MATN2: variants seen among roughly 807,000 people sequenced by gnomAD.
MATN2 encodes the protein matrilin 2, also known as matrilin-2.
Under a neutral mutation model 103.2 loss-of-function variants are expected in MATN2, and 69 were observed. That is an observed-to-expected ratio of 0.67 (90% CI 0.55 to 0.82). The LOEUF is 0.82. Among genes scored for constraint, MATN2 ranks in the 40% least tolerant of loss-of-function variants. MATN2 has a pLI of 0.00. For synonymous variants in MATN2, 429 were observed against 450.2 expected (o/e 0.95, Z 0.60); for missense variants, 1,023 against 1,211.5 (o/e 0.84, Z 2.31).
intron 4 of MATN2, among the ~76,000 whole-genome samples, chr8:97,952,856 A>G (rs935140205): frequency 6.6e-6 from 1 of 151,628 alleles, no homozygotes; most frequent in Non-Finnish European, 1.5e-5. Flanking sequence ...GAACTCAAAA[A>G]CCAAACTTGG....
chr8:97,939,321 G>A (rs776070304), intron 3 of MATN2, among the ~76,000 whole-genome samples: 11 of 152,028 alleles, frequency 7.2e-5, no homozygotes, highest in Non-Finnish European at 1.2e-4. Context: ...AACACTAGAC[G>A]GCGCATCACC....
intron 1 of MATN2, among the ~76,000 whole-genome samples, chr8:97,873,352 C>CT (rs772184378): frequency 1.5e-3 from 212 of 142,072 alleles, no homozygotes; most frequent in African/African-American, 2.1e-3. Context: ...CTCTTTTTTT[C>CT]TTTTTTTTTT....
At chr8:97,906,516 C>A (rs904055877) in intron 2 of MATN2, among the ~76,000 whole-genome samples, 8 of 152,220 alleles carry the variant, frequency 5.3e-5, no homozygotes, top group African/African-American at 1.9e-4. Flanking sequence ...GTGGTCAGAA[C>A]TGAGTCAGAG....
intron 3 of MATN2, among the ~76,000 whole-genome samples, chr8:97,935,470 G>T (rs1036028955): frequency 1.3e-5 from 2 of 152,038 alleles, no homozygotes; most frequent in East Asian, 1.9e-4. Context: ...CTTGTCCAAG[G>T]TCACAAACCT....
intron 2 of MATN2, among the ~76,000 whole-genome samples, chr8:97,928,534 C>A (rs1810069056): frequency 6.6e-6 from 1 of 152,130 alleles, no homozygotes; most frequent in Non-Finnish European, 1.5e-5. Flanking sequence ...CTGAAAAGCA[C>A]CCCCCTTAAG....
At chr8:97,949,507 A>T (rs143267427) in intron 4 of MATN2, among the ~76,000 whole-genome samples, 1 of 152,180 alleles carries the variant, frequency 6.6e-6, no homozygotes, top group East Asian at 1.9e-4. Context: ...TGACTATACC[A>T]TGTGTTCGCA....
At chr8:97,911,486 A>C (rs1036759792) in intron 2 of MATN2, among the ~76,000 whole-genome samples, 1 of 151,956 alleles carries the variant, frequency 6.6e-6, no homozygotes, top group African/African-American at 2.4e-5. Flanking sequence ...AGGCAGGCGG[A>C]TCACGAGGTC....
intron 4 of MATN2, among the ~76,000 whole-genome samples, chr8:97,954,216 C>G (rs1406561304): frequency 6.6e-6 from 1 of 152,164 alleles, no homozygotes; most frequent in East Asian, 1.9e-4. Flanking sequence ...TGCCCTCCCC[C>G]AGTGGTGGCT....
At chr8:98,003,842 G>A (rs1438461945) in intron 8 of MATN2, 59 bp downstream of exon 8, 1 of 1,604,688 alleles carries the variant, frequency 6.2e-7, no homozygotes, top group Non-Finnish European at 8.5e-7. Context: ...ATGGGGGCGG[G>A]CGGGTTCACT....
chr8:97,938,327 C>G (rs761681005), intron 3 of MATN2, among the ~76,000 whole-genome samples: 36 of 152,172 alleles, frequency 2.4e-4, no homozygotes, highest in Non-Finnish European at 4.7e-4. Context: ...TACCCCTCAC[C>G]ATACGATTGT....
intron 5 of MATN2, among the ~76,000 whole-genome samples, chr8:97,971,490 A>G (rs993643084): frequency 6.6e-6 from 1 of 152,184 alleles, no homozygotes; most frequent in Non-Finnish European, 1.5e-5. Context: ...TTCCGTATTC[A>G]ATGGTGGATT....
chr8:97,936,899 G>A lies in MATN2; in HGVS notation c.713-4878G>A, dbSNP rs185467325. On this transcript the variant is annotated intron_variant, in intron 3 of 18. Coordinates refer to ENST00000254898, the MANE Select transcript of MATN2 (RefSeq NM_002380.5). The stretch of plus-strand genomic sequence containing the variant: ...GAAAGTTTTATTCTAGTTTAGTGAA[G>A]GTGTTTGAGATTCTTTTGGTTGAAA... 6.9e-4 allele frequency among the ~76,000 whole-genome samples: 105 copies of A among 152,318 alleles called. 1 individual carries two copies. The highest frequency in any genetic ancestry group is 1.1e-3 in the Non-Finnish European group (73 of 68,032).
In MATN2 at chr8:98,009,339, G is replaced by A. The variant is rs572326335; in HGVS notation, c.1573+1738G>A. On this transcript the variant is annotated intron_variant, in intron 10 of 18. Coordinates refer to ENST00000254898, the MANE Select transcript of MATN2 (RefSeq NM_002380.5). ...CAGCTAACTGGGGGTTGGGATGTGTGTTCCCCAGCTCTACTCTCAATGACA... is the reference window on the plus strand; with the variant it reads ...CAGCTAACTGGGGGTTGGGATGTGTATTCCCCAGCTCTACTCTCAATGACA... Among the ~76,000 whole-genome samples the A allele has an allele frequency of 5.3e-5, 8 of 152,314 alleles. No individual in the cohort carries two copies. The South Asian group carries it at 1.7e-3, about 32-fold the overall frequency.
intron 10 of MATN2, among the ~76,000 whole-genome samples, chr8:98,014,094 C>A (rs1813276022): frequency 6.6e-6 from 1 of 151,894 alleles, no homozygotes; most frequent in South Asian, 2.1e-4. Flanking sequence ...GGCGACAGAG[C>A]AAGCCTGTGT....
intron 6 of MATN2, among the ~76,000 whole-genome samples, chr8:97,983,114 A>G (rs1414920678): frequency 2.0e-5 from 3 of 152,212 alleles, no homozygotes; most frequent in Non-Finnish European, 4.4e-5. Context: ...TCGGCACTTC[A>G]TGTAAGTGGG....
At chr8:97,994,286 GAGA>G (rs951398233) in intron 6 of MATN2, among the ~76,000 whole-genome samples, 191 bp from the exon 7 acceptor site, 6 of 152,014 alleles carry the variant, frequency 3.9e-5, no homozygotes, top group Admixed American at 3.3e-4. Context: ...AGGAAAGAAG[GAGA>G]AGAAGTTTCT....
chr8:97,883,275 ACT>A (rs1371814983), intron 1 of MATN2, among the ~76,000 whole-genome samples: 6 of 109,766 alleles, frequency 5.5e-5, no homozygotes, highest in Non-Finnish European at 1.2e-4. Context: ...ACAGAGTGAG[ACT>A]CTGTCTCAAA....
chr8:97,981,566 G>T (rs1488730658), intron 6 of MATN2, among the ~76,000 whole-genome samples: 1 of 152,210 alleles, frequency 6.6e-6, no homozygotes, highest in Non-Finnish European at 1.5e-5. Context: ...GGAGTTATGT[G>T]ACCAAGGGCC....
At chr8:97,891,139 A>G (rs1818612748) in intron 2 of MATN2, among the ~76,000 whole-genome samples, 1 of 152,084 alleles carries the variant, frequency 6.6e-6, no homozygotes, top group Non-Finnish European at 1.5e-5. Context: ...AATAGACACC[A>G]TCAGGAGGTG....
Sources: gnomAD v4.1 joint callset for allele counts (sites outside exome capture counted in the v4.1 genomes callset) on GRCh38, gnomAD v4.1.1 for gene constraint, MANE v1.5 for transcripts, NCBI Gene and HGNC (gene_info 2026-07-23, HGNC 2026-07-21) for gene names.